The following ITFG1 variants were observed in gnomAD, a reference collection of about 807,000 sequenced individuals.
ITFG1 encodes the protein integrin alpha FG-GAP repeat containing 1, also known as T-cell immunomodulatory protein.
ITFG1 carries 34 observed loss-of-function variants against 81.8 expected under a neutral mutation model. The ratio of observed to expected loss-of-function variants is 0.42; its 90% CI spans 0.32 to 0.55. The LOEUF is 0.55. Ranked by LOEUF, ITFG1 falls within the 20% of genes least tolerant of loss-of-function variation. ITFG1 has a pLI of 0.17. For missense variants in ITFG1, 672 were observed against 755.4 expected, an observed-to-expected ratio of 0.89 and a Z score of 1.29; for synonymous variants, 285 against 270.6, an observed-to-expected ratio of 1.05 and a Z score of -0.52.
chr16:47,197,325 C>T (rs1965369803), intron 14 of ITFG1, among the ~76,000 whole-genome samples: 1 of 152,092 alleles, frequency 6.6e-6, no homozygotes, highest in South Asian at 2.1e-4. Flanking sequence ...CTCCACAATC[C>T]CCCTTCTCTT....
chr16:47,328,367 T>G (rs1296078388), intron 8 of ITFG1, among the ~76,000 whole-genome samples: 2 of 152,050 alleles, frequency 1.3e-5, no homozygotes, highest in African/African-American at 4.8e-5. Flanking sequence ...ATATACCTAA[T>G]GCTAAGTGAC....
chr16:47,214,213 C>T (rs1211656053), intron 14 of ITFG1, among the ~76,000 whole-genome samples: 1 of 152,106 alleles, frequency 6.6e-6, no homozygotes, highest in African/African-American at 2.4e-5. Context: ...ATATTTTTTC[C>T]CCTACATCAC....
At chr16:47,460,796 C>T in intron 1 of ITFG1, 42 bp downstream of exon 1, 5 of 1,600,188 alleles carry the variant, frequency 3.1e-6, no homozygotes, top group Non-Finnish European at 4.3e-6. Context: ...CCGGGAGAGG[C>T]ACACGGACAG....
At chr16:47,200,602 T>G (rs568102025) in intron 14 of ITFG1, among the ~76,000 whole-genome samples, 19 of 152,346 alleles carry the variant, frequency 1.2e-4, no homozygotes, top group African/African-American at 3.8e-4. Flanking sequence ...CCTAAATACC[T>G]ATTAAGCTTT....
intron 5 of ITFG1, among the ~76,000 whole-genome samples, chr16:47,429,556 G>A (rs1341038365): frequency 6.6e-6 from 1 of 152,168 alleles, no homozygotes; most frequent in East Asian, 1.9e-4. Flanking sequence ...CAGCAATGTA[G>A]GAGAATTCCA....
At chr16:47,266,096 T>C (rs1034045861) in intron 10 of ITFG1, among the ~76,000 whole-genome samples, 1 of 152,142 alleles carries the variant, frequency 6.6e-6, no homozygotes, top group Admixed American at 6.5e-5. Flanking sequence ...CGAAAATATA[T>C]ACGAACAGCC....
At chr16:47,292,040 G>A (rs562787565) in intron 10 of ITFG1, among the ~76,000 whole-genome samples, 109 of 151,234 alleles carry the variant, frequency 7.2e-4, no homozygotes, top group African/African-American at 2.5e-3. Context: ...TTGAGATGGA[G>A]TTTCGCTCTT....
intron 12 of ITFG1, among the ~76,000 whole-genome samples, chr16:47,244,499 C>G (rs921370308): frequency 4.6e-5 from 7 of 151,652 alleles, no homozygotes; most frequent in Non-Finnish European, 1.0e-4. Flanking sequence ...ATAAAATATT[C>G]TGTGTTGTAG....
At chr16:47,417,707 G>A (rs1968891552) in intron 6 of ITFG1, among the ~76,000 whole-genome samples, 1 of 152,008 alleles carries the variant, frequency 6.6e-6, no homozygotes, top group African/African-American at 2.4e-5. Flanking sequence ...CAAATAACAG[G>A]CTTTCATTCT....
At chr16:47,293,256 G>A (rs931721178) in intron 10 of ITFG1, among the ~76,000 whole-genome samples, 2 of 146,808 alleles carry the variant, frequency 1.4e-5, no homozygotes, top group East Asian at 3.9e-4. Flanking sequence ...GCAGTCATCT[G>A]TTTATGAACT....
intron 6 of ITFG1, among the ~76,000 whole-genome samples, chr16:47,413,310 T>A (rs1410907358): frequency 1.3e-5 from 2 of 152,204 alleles, no homozygotes; most frequent in Admixed American, 1.3e-4. Flanking sequence ...AAGCAAATGT[T>A]AAGGGAATTC....
At chr16:47,282,519 T>C (rs540398964) in intron 10 of ITFG1, among the ~76,000 whole-genome samples, 6 of 152,280 alleles carry the variant, frequency 3.9e-5, no homozygotes, top group Admixed American at 3.9e-4. Flanking sequence ...GTTGATTCCA[T>C]AGCTTTGCTA....
intron 6 of ITFG1, among the ~76,000 whole-genome samples, chr16:47,378,585 T>C (rs1274367653): frequency 1.3e-5 from 2 of 152,250 alleles, no homozygotes; most frequent in Non-Finnish European, 2.9e-5. Context: ...ACAATGCTGA[T>C]TCTATTTCCA....
intron 6 of ITFG1, among the ~76,000 whole-genome samples, chr16:47,403,739 A>C (rs1206452676): frequency 6.7e-6 from 1 of 149,942 alleles, no homozygotes; most frequent in East Asian, 2.0e-4. Context: ...CAGGGAAAAA[A>C]GTTGATTTTG....
intron 10 of ITFG1, among the ~76,000 whole-genome samples, chr16:47,265,458 T>C (rs1358154736): frequency 1.3e-5 from 2 of 152,062 alleles, no homozygotes; most frequent in Admixed American, 6.5e-5. Context: ...CAACATAGTA[T>C]GGTGTTAATA....
Position 47,200,955 on chromosome 16 carries a change from G to C in ITFG1, c.1453+17913C>G, listed in dbSNP as rs374008306. ...TACATCACCAATTTACTAAATTCCT[G>C]GCTCATTTTCCCAATAATATGTTTT... On this transcript the variant is annotated intron_variant, in intron 14 of 17. Transcript: ENST00000320640. 1.8e-4 allele frequency among the ~76,000 whole-genome samples: 27 copies of C among 152,124 alleles called. 1 individual carries two copies. The South Asian group carries it at 5.2e-3, about 29-fold the overall frequency.
rs542895278 is a variant in ITFG1 at position 47,181,332 on chromosome 16, G to A, written c.1454-18668C>T. On this transcript the variant is annotated intron_variant, in intron 14 of 17. Coordinates refer to ENST00000320640, the MANE Select transcript of ITFG1 (RefSeq NM_030790.5). ...TGAGGAGCGTCTCCGCCTGGCAGCC[G>A]CCCCGTCCGGGAGGGAGGTGGGGGG... 3.5e-3 allele frequency among the ~76,000 whole-genome samples: 525 copies of A among 151,320 alleles called. 5 individuals carry two copies. Among genetic ancestry groups the A allele is most frequent in the African/African-American group, 0.012 (513 of 41,188 alleles).
chr16:47,197,738 G>C (rs1463137412), intron 14 of ITFG1, among the ~76,000 whole-genome samples: 2 of 152,246 alleles, frequency 1.3e-5, no homozygotes, highest in African/African-American at 2.4e-5. Context: ...GGAAGGCTGA[G>C]GGCTTGGAGC....
intron 10 of ITFG1, among the ~76,000 whole-genome samples, chr16:47,298,564 G>C (rs914116139): frequency 6.6e-6 from 1 of 151,972 alleles, no homozygotes; most frequent in African/African-American, 2.4e-5. Flanking sequence ...CAAAGACTCT[G>C]TACAATATTA....
Sources: gnomAD v4.1 joint callset for allele counts (sites outside exome capture counted in the v4.1 genomes callset) on GRCh38, gnomAD v4.1.1 for gene constraint, MANE v1.5 for transcripts, NCBI Gene and HGNC (gene_info 2026-07-23, HGNC 2026-07-21) for gene names.